Variants in EXOG observed in about 807,000 individuals in gnomAD.
EXOG encodes the protein exo/endonuclease G.
EXOG carries 27 observed loss-of-function variants against 25.8 expected under a neutral mutation model. The observed-to-expected ratio is 1.05, with a 90% confidence interval of 0.77 to 1.45. The LOEUF is 1.45. Among genes scored for constraint, EXOG ranks in the 40% most tolerant of loss-of-function variants. The probability of loss-of-function intolerance (pLI) is 0.00; values close to 1 mark genes in which losing one functional copy is unlikely to be tolerated. For missense variants in EXOG, 458 were observed against 450.5 expected, an observed-to-expected ratio of 1.02 and a Z score of -0.15; for synonymous variants, 133 against 167.0, an observed-to-expected ratio of 0.80 and a Z score of 1.57.
intron 5 of EXOG, among the ~76,000 whole-genome samples, chr3:38,518,318 T>G (rs2060608655): frequency 6.6e-6 from 1 of 152,146 alleles, no homozygotes; most frequent in East Asian, 1.9e-4. Flanking sequence ...AGGCAAGAAC[T>G]TCAAGATAAT....
intron 1 of EXOG, 141 bp downstream of exon 1, chr3:38,496,671 T>A: frequency 6.9e-7 from 1 of 1,448,008 alleles, no homozygotes; most frequent in Non-Finnish European, 9.0e-7. Flanking sequence ...CTGACCTTTA[T>A]TCTCCCGGCT....
intron 5 of EXOG, among the ~76,000 whole-genome samples, chr3:38,517,613 G>C (rs541101888): frequency 2.0e-5 from 3 of 152,332 alleles, no homozygotes; most frequent in Non-Finnish European, 2.9e-5. Flanking sequence ...GATGGAGAGA[G>C]CCCCAAAGCT....
At chr3:38,522,803 C>G (rs958183159) in intron 5 of EXOG, among the ~76,000 whole-genome samples, 1 of 152,132 alleles carries the variant, frequency 6.6e-6, no homozygotes, top group Admixed American at 6.6e-5. Context: ...CACACCTGGC[C>G]CAGATGCCAA....
At chr3:38,498,805 G>A in intron 2 of EXOG, 2 of 400,680 alleles carry the variant, frequency 5.0e-6, no homozygotes, top group Non-Finnish European at 1.0e-5. Context: ...GAGGGGGAAG[G>A]TGATGTGAAA....
chr3:38,508,415 A>G (rs1285518394), intron 5 of EXOG, among the ~76,000 whole-genome samples: 1 of 152,188 alleles, frequency 6.6e-6, no homozygotes, highest in Non-Finnish European at 1.5e-5. Context: ...GAAAAAGTTT[A>G]ACATTTAATC....
intron 5 of EXOG, among the ~76,000 whole-genome samples, chr3:38,517,806 A>G (rs1375327406): frequency 6.6e-6 from 1 of 152,220 alleles, no homozygotes; most frequent in Non-Finnish European, 1.5e-5. Flanking sequence ...ACGAATCCAT[A>G]TTTCTGGAGG....
rs534247135 is a variant in EXOG at position 38,497,905 on chromosome 3, A to G, written c.313+127A>G. 28 of 1,215,820 alleles carry G rather than the reference A, an allele frequency of 2.3e-5. No homozygotes were observed. The African/African-American group carries it at 3.8e-4, about 16-fold the overall frequency. The allele number at this position is 1,215,820 out of a possible 1,614,324, so 75.3% of individuals were successfully genotyped here. A position where few individuals can be genotyped will look rare whatever the true frequency, so the allele number is the denominator to read the frequency against. ...ATAGCACATGTAGAAAATTATATTT[A>G]TATAACTTACTGGTTAAATCAACCC... On this transcript the variant is annotated intron_variant, in intron 2 of 5. Coordinates refer to ENST00000287675, the MANE Select transcript of EXOG (RefSeq NM_005107.4).
chr3:38,499,375 A>T (rs372049405), intron 2 of EXOG, among the ~76,000 whole-genome samples: 1 of 152,248 alleles, frequency 6.6e-6, no homozygotes, highest in African/African-American at 2.4e-5. Context: ...ACAGAAACTG[A>T]TGTAAGTGAA....
At chr3:38,500,880 T>C (rs1287603223) in intron 2 of EXOG, among the ~76,000 whole-genome samples, 1 of 152,226 alleles carries the variant, frequency 6.6e-6, no homozygotes, top group Non-Finnish European at 1.5e-5. Flanking sequence ...TCAGAGACAC[T>C]CCTCTCCCCA....
Position 38,517,797 on chromosome 3 carries a change from C to T in EXOG, c.646-6104C>T, listed in dbSNP as rs114576915. Among the ~76,000 whole-genome samples, 594 of 152,264 alleles carry T rather than the reference C, an allele frequency of 3.9e-3. 3 individuals are homozygous for T. The highest frequency in any genetic ancestry group is 0.013 in the African/African-American group (559 of 41,560). ...TATGTAAAGTTGAATATTGACTTCACGAATCCATATTTCTGGAGGAGCATA... is the reference window on the plus strand; with the variant it reads ...TATGTAAAGTTGAATATTGACTTCATGAATCCATATTTCTGGAGGAGCATA... On this transcript the variant is annotated intron_variant, in intron 5 of 5. Coordinates refer to ENST00000287675, the MANE Select transcript of EXOG (RefSeq NM_005107.4).
At position 38,517,420 on chromosome 3, in the gene EXOG, G is replaced by A. The variant is rs146644215; in HGVS notation, c.646-6481G>A. 1.1e-4 allele frequency among the ~76,000 whole-genome samples: 17 copies of A among 152,330 alleles called. No individual in the cohort carries two copies. In the East Asian group the frequency reaches 3.1e-3, roughly 28 times the overall value. On this transcript the variant is annotated intron_variant, in intron 5 of 5. Coordinates refer to ENST00000287675, the MANE Select transcript of EXOG (RefSeq NM_005107.4). ...TAGCATTTCCTACTTTCTGGTATAAGGCTATGTTCCATGTTCATCTTGGCC... is the reference window on the plus strand; with the variant it reads ...TAGCATTTCCTACTTTCTGGTATAAAGCTATGTTCCATGTTCATCTTGGCC...
At position 38,496,564 on chromosome 3, in the gene EXOG, C is replaced by G. The variant is rs1196041144; in HGVS notation, c.163+34C>G. Reference sequence around the variant, plus strand: ...GTGGGCCCGTCCTCCCTTCGCTGGCCCAGATTTCGGGCTCCGACTCCTACC... The same window carrying G: ...GTGGGCCCGTCCTCCCTTCGCTGGCGCAGATTTCGGGCTCCGACTCCTACC... On this transcript the variant is annotated intron_variant, in intron 1 of 5. Transcript: ENST00000287675. 3 of 1,590,536 alleles carry G rather than the reference C, an allele frequency of 1.9e-6. No individual in the cohort carries two copies. In the East Asian group the frequency reaches 6.7e-5, roughly 36 times the overall value.
At chr3:38,517,642 T>C (rs2060588579) in intron 5 of EXOG, among the ~76,000 whole-genome samples, 1 of 152,362 alleles carries the variant, frequency 6.6e-6, no homozygotes, top group South Asian at 2.1e-4. Context: ...ATGGATTCCA[T>C]TGCCTTTAGT....
chr3:38,522,605 A>G (rs754412324), intron 5 of EXOG, among the ~76,000 whole-genome samples: 5 of 152,156 alleles, frequency 3.3e-5, no homozygotes, highest in African/African-American at 1.2e-4. Context: ...CCCGGGTTCA[A>G]GTGATTCTTT....
At chr3:38,511,307 A>G (rs188738501) in intron 5 of EXOG, among the ~76,000 whole-genome samples, 27 of 152,230 alleles carry the variant, frequency 1.8e-4, no homozygotes, top group Non-Finnish European at 3.1e-4. Context: ...TCTGCCTCCA[A>G]TTGCGTTGGC....
chr3:38,514,761 T>TCCCC (rs3831840), intron 5 of EXOG, among the ~76,000 whole-genome samples: 8 of 82,036 alleles, frequency 9.8e-5, no homozygotes, highest in African/African-American at 3.9e-4. Flanking sequence ...TTTTCCACCC[T>TCCCC]CCCCCCCCTC....
chr3:38,504,248 C>T (rs1288216843), intron 4 of EXOG, among the ~76,000 whole-genome samples: 2 of 151,798 alleles, frequency 1.3e-5, no homozygotes, highest in Non-Finnish European at 2.9e-5. Context: ...ATGCCTGTAT[C>T]CCAGCTACTC....
intron 2 of EXOG, chr3:38,499,954 A>T: frequency 3.2e-6 from 1 of 316,804 alleles, no homozygotes; most frequent in South Asian, 2.6e-5. Flanking sequence ...TGAAGGAAAG[A>T]CCTAAGACTC....
chr3:38,507,002 T>G (rs2060221573), intron 5 of EXOG, 34 bp downstream of exon 5: 1 of 893,848 alleles, frequency 1.1e-6, no homozygotes, highest in Non-Finnish European at 1.8e-6. Flanking sequence ...TTATGTTATC[T>G]GTATGAGATT....
Sources: gnomAD v4.1 joint callset for allele counts (sites outside exome capture counted in the v4.1 genomes callset) on GRCh38, gnomAD v4.1.1 for gene constraint, MANE v1.5 for transcripts, NCBI Gene and HGNC (gene_info 2026-07-23, HGNC 2026-07-21) for gene names.